L2HGDH: variants seen among roughly 807,000 people sequenced by gnomAD.
L2HGDH encodes L-2-hydroxyglutarate dehydrogenase, mitochondrial.
L2HGDH carries 34 observed loss-of-function variants against 51.5 expected under a neutral mutation model. The ratio of observed to expected loss-of-function variants is 0.66; its 90% CI spans 0.50 to 0.88. L2HGDH has a LOEUF of 0.88. Among genes scored for constraint, L2HGDH ranks in the 40% least tolerant of loss-of-function variants. The probability of loss-of-function intolerance (pLI) is 0.00; values close to 1 mark genes in which losing one functional copy is unlikely to be tolerated. For synonymous variants in L2HGDH, 198 were observed against 197.9 expected, an observed-to-expected ratio of 1.00 and a Z score of -0.01; for missense variants, 558 against 571.9, an observed-to-expected ratio of 0.98 and a Z score of 0.25.
chr14:50,287,567 G>A (rs191054602), intron 4 of L2HGDH, among the ~76,000 whole-genome samples: 11 of 151,694 alleles, frequency 7.3e-5, no homozygotes, highest in Admixed American at 7.2e-4. Flanking sequence ...TCCTTTTGAA[G>A]GAGGTTATCA....
rs1888065782 is a variant in L2HGDH, at chr14:50,247,308, A to G, written c.1197-55T>C. On this transcript the variant is annotated intron_variant, in intron 9 of 9. Coordinates refer to ENST00000267436, the MANE Select transcript of L2HGDH (RefSeq NM_024884.3). ...ACTCAAAGACATAGGATACTTTACA[A>G]GTCAGCGTTTCCAAAAAGTCTTAAA... The G allele has an allele frequency of 7.0e-6, 11 of 1,582,254 alleles. No individual in the cohort carries two copies. The South Asian group carries it at 1.3e-4, about 18-fold the overall frequency.
At chr14:50,251,148 T>G (rs1023648778) in intron 9 of L2HGDH, among the ~76,000 whole-genome samples, 2 of 151,458 alleles carry the variant, frequency 1.3e-5, no homozygotes, top group Non-Finnish European at 3.0e-5. Flanking sequence ...TTCACAATTC[T>G]TTCAGATAAA....
chr14:50,249,917 T>G (rs1328389172), intron 9 of L2HGDH, among the ~76,000 whole-genome samples: 3 of 90,306 alleles, frequency 3.3e-5, no homozygotes, highest in Admixed American at 2.9e-4. Flanking sequence ...TTTTTTTTTT[T>G]GTGAGACAGA....
In L2HGDH at chr14:50,244,806, C is replaced by T; in HGVS notation, c.*2252G>A. The T allele has an allele frequency of 1.0e-6, 1 of 985,388 alleles. No individual in the cohort carries two copies. The highest frequency in any genetic ancestry group is 1.2e-6 in the Non-Finnish European group (1 of 829,928). 61.0% of individuals were successfully genotyped at this position (985,388 alleles called of 1,614,324 possible). On this transcript the variant is annotated 3_prime_UTR_variant, in exon 10 of 10. Transcript: ENST00000267436. ...TTTTCCTATCAACCAAAATGCACAT[C>T]CTTCTCACCCATCCATCATACAGCT... is the stretch of plus-strand genomic sequence containing the variant.
In L2HGDH at chr14:50,303,022, A is replaced by C; in HGVS notation, c.141-5T>G. 1 of 1,565,686 alleles carries C rather than the reference A, an allele frequency of 6.4e-7. No individual in the cohort carries two copies. Among genetic ancestry groups the C allele is most frequent in the Non-Finnish European group, 8.8e-7 (1 of 1,136,138 alleles). ...ACGATGACTATATCAAATGAGCTTC[A>C]AAAGAAAGTCATCTTTAAAGTAATT... On this transcript the variant is annotated splice_polypyrimidine_tract_variant and splice_region_variant and intron_variant, in intron 1 of 9. Transcript: ENST00000267436.
At chr14:50,311,314 G>A (rs1393014619) in intron 1 of L2HGDH, 1 of 455,800 alleles carries the variant, frequency 2.2e-6, no homozygotes, top group Non-Finnish European at 4.4e-6. Flanking sequence ...AGTCCTTCTG[G>A]GTCATTCCAC....
intron 9 of L2HGDH, among the ~76,000 whole-genome samples, chr14:50,253,011 T>G (rs1033151531): frequency 2.0e-5 from 3 of 152,210 alleles, no homozygotes; most frequent in Admixed American, 6.5e-5. Flanking sequence ...TGGATCATTC[T>G]CAGGGATAGA....
intron 3 of L2HGDH, among the ~76,000 whole-genome samples, chr14:50,294,690 T>C (rs1448320130): frequency 6.6e-6 from 1 of 152,224 alleles, no homozygotes; most frequent in Non-Finnish European, 1.5e-5. Context: ...TGGTACTGAA[T>C]GTGATGGAAC....
At chr14:50,265,783 G>A (rs1889301511) in intron 8 of L2HGDH, among the ~76,000 whole-genome samples, 1 of 152,088 alleles carries the variant, frequency 6.6e-6, no homozygotes, top group African/African-American at 2.4e-5. Context: ...GTGTGGTGGT[G>A]CACACCTGTA....
intron 9 of L2HGDH, among the ~76,000 whole-genome samples, chr14:50,259,821 G>A (rs1297101916): frequency 5.9e-5 from 9 of 151,530 alleles, no homozygotes; most frequent in Admixed American, 5.3e-4. Flanking sequence ...GAGACAGAGC[G>A]AGACTCTTAA....
intron 1 of L2HGDH, among the ~76,000 whole-genome samples, chr14:50,307,288 C>CT (rs2030789030): frequency 6.6e-6 from 1 of 152,180 alleles, no homozygotes; most frequent in African/African-American, 2.4e-5. Context: ...ACTGAATATG[C>CT]TTTTTCCAAC....
chr14:50,265,594 G>A, intron 8 of L2HGDH, 105 bp from the exon 9 acceptor site: 1 of 1,070,270 alleles, frequency 9.3e-7, no homozygotes, highest in Non-Finnish European at 1.3e-6. Flanking sequence ...CAAAAATCTA[G>A]GCAAAGTCAG....
chr14:50,294,944 G>A (rs1352498675), intron 3 of L2HGDH, among the ~76,000 whole-genome samples: 1 of 152,124 alleles, frequency 6.6e-6, no homozygotes, highest in Non-Finnish European at 1.5e-5. Flanking sequence ...AGAGGCAACA[G>A]AATTTCATGA....
At chr14:50,280,606 T>C (rs914829439) in intron 5 of L2HGDH, among the ~76,000 whole-genome samples, 7 of 152,216 alleles carry the variant, frequency 4.6e-5, no homozygotes, top group Non-Finnish European at 1.0e-4. Context: ...TGAATAGTTA[T>C]ACCGGTAAGC....
chr14:50,278,810 A>G (rs1323903864), intron 5 of L2HGDH, among the ~76,000 whole-genome samples: 2 of 152,226 alleles, frequency 1.3e-5, no homozygotes, highest in African/African-American at 4.8e-5. Context: ...CTGACCTCCA[A>G]TATAGACATA....
Position 50,312,162 on chromosome 14 carries a change from G to T in L2HGDH, c.-12C>A, listed in dbSNP as rs2031269822. 2.5e-6 allele frequency: 4 copies of T among 1,608,900 alleles called. No individual in the cohort carries two copies. In the East Asian group the frequency reaches 8.9e-5, roughly 36 times the overall value. ...AGCGCTGGCACCATCCCCTACGCAC[G>T]CTCCCCTCCCTCAGCGCTCAGAAGA... is the stretch of plus-strand genomic sequence containing the variant. On this transcript the variant is annotated 5_prime_UTR_variant, in exon 1 of 10. Coordinates refer to ENST00000267436, the MANE Select transcript of L2HGDH (RefSeq NM_024884.3).
At chr14:50,290,122 C>T (rs1375453024) in intron 4 of L2HGDH, among the ~76,000 whole-genome samples, 3 of 151,982 alleles carry the variant, frequency 2.0e-5, no homozygotes, top group African/African-American at 7.2e-5. Flanking sequence ...AAAAAATTAG[C>T]CAGGTGTGGT....
At position 50,259,364 on chromosome 14, in the gene L2HGDH, C is replaced by G. The variant is rs12882212; in HGVS notation, c.1196+5994G>C. Among the ~76,000 whole-genome samples, 363 of 137,986 alleles carry G rather than the reference C, an allele frequency of 2.6e-3. 9 individuals carry two copies. The highest frequency in any genetic ancestry group is 6.9e-3 in the African/African-American group (255 of 36,986). The allele number at this position is 137,986 out of a possible 152,430, so 90.5% of individuals were successfully genotyped here. ...TTTTCTTTCTGTTTTTTTTCTTTTT[C>G]GGTTTTTTTTTTTTTTTTTTCAGAA... On this transcript the variant is annotated intron_variant, in intron 9 of 9. Transcript: ENST00000267436.
intron 9 of L2HGDH, among the ~76,000 whole-genome samples, chr14:50,263,653 C>T (rs546491972): frequency 2.6e-5 from 4 of 151,970 alleles, no homozygotes; most frequent in Non-Finnish European, 5.9e-5. Flanking sequence ...GCTGATTAGG[C>T]CTAACGAATG....
Sources: gnomAD v4.1 joint callset for allele counts (sites outside exome capture counted in the v4.1 genomes callset) on GRCh38, gnomAD v4.1.1 for gene constraint, MANE v1.5 for transcripts, NCBI Gene and HGNC (gene_info 2026-07-23, HGNC 2026-07-21) for gene names.